The following ZNF398 variants were observed in gnomAD, a reference collection of about 807,000 sequenced individuals.
ZNF398 encodes zinc finger protein 398.
ZNF398 carries 18 observed loss-of-function variants against 41.9 expected under a neutral mutation model. The observed-to-expected ratio is 0.43, with a 90% CI of 0.30 to 0.64. The LOEUF (loss-of-function observed/expected upper bound fraction) is 0.64, where lower values mean the gene tolerates loss of function less well. ZNF398 is among the 30% of genes least tolerant of loss of function. ZNF398 has a pLI of 0.14. For missense variants in ZNF398, 669 were observed against 822.8 expected (o/e 0.81, Z 2.29); for synonymous variants, 260 against 308.8 (o/e 0.84, Z 1.66).
At chr7:149,154,845 C>T (rs778571652) in intron 2 of ZNF398, among the ~76,000 whole-genome samples, 5 of 151,646 alleles carry the variant, frequency 3.3e-5, no homozygotes, top group South Asian at 2.1e-4. Context: ...AAAAATTAGC[C>T]GGGTGTGGTA....
At position 149,180,438 on chromosome 7, in the gene ZNF398, G is replaced by A. The variant is rs1378598728; in HGVS notation, c.*637G>A. The A allele has an allele frequency of 2.0e-5, 3 of 152,124 alleles. No homozygotes were observed. The highest frequency in any genetic ancestry group is 1.3e-4 in the Admixed American group (2 of 15,266). 9.4% of individuals were successfully genotyped at this position (152,124 alleles called of 1,614,324 possible). On this transcript the variant is annotated 3_prime_UTR_variant, in exon 6 of 6. Transcript: ENST00000475153. ...ACATAAATTTTGTTTAATATTGGTTGAACAAGAAATCTGACTTTAAAAGAT... is the reference window on the plus strand; with the variant it reads ...ACATAAATTTTGTTTAATATTGGTTAAACAAGAAATCTGACTTTAAAAGAT...
In ZNF398 at chr7:149,180,009, C is replaced by G; in HGVS notation, c.*208C>G. 4.2e-6 allele frequency: 2 copies of G among 475,498 alleles called. No homozygotes were observed. Among genetic ancestry groups the G allele is most frequent in the Non-Finnish European group, 7.3e-6 (2 of 273,778 alleles). 29.5% of individuals were successfully genotyped at this position (475,498 alleles called of 1,614,324 possible). A position where few individuals can be genotyped will look rare whatever the true frequency, so the allele number is the denominator to read the frequency against. On this transcript the variant is annotated 3_prime_UTR_variant, in exon 6 of 6. Transcript: ENST00000475153. ...TACCACATTTTGAAACCCAGAAAGA[C>G]CTGGAAAGGAGCCCAGCATGTCCAT... is the stretch of plus-strand genomic sequence containing the variant.
rs2129521972 is a variant in ZNF398 at position 149,178,938 on chromosome 7, A to G, written c.1066A>G (p.Met356Val). 1 of 1,614,096 alleles carries G rather than the reference A, an allele frequency of 6.2e-7. No homozygotes were observed. The highest frequency in any genetic ancestry group is 8.5e-7 in the Non-Finnish European group (1 of 1,180,022). The change falls in exon 6 of 6, where the codon ATG becomes GTG. Residue 356 changes from methionine (M) to valine (V), a missense_variant. Around this residue, in one of 3 missense-constraint regions of ZNF398, gnomAD observed 290 missense variants for 292.9 expected, o/e 0.99. Transcript: ENST00000475153. ...CTGTGGCAAGAATCTCAGCCAAGAC[A>G]TGTTGCTGACCCACCAATGTAGCCA... ...HHCGKNLSQD[M>V]LLTHQCSHAT...
At chr7:149,164,985 TTGGGAGGC>T (rs1795196189) in intron 2 of ZNF398, among the ~76,000 whole-genome samples, 3 of 151,718 alleles carry the variant, frequency 2.0e-5, no homozygotes, top group Non-Finnish European at 4.4e-5. Flanking sequence ...TCCTGGCTAC[TTGGGAGGC>T]TGAGGCAGGA....
chr7:149,138,646 A>T (rs952921653), intron 2 of ZNF398, among the ~76,000 whole-genome samples: 1 of 150,974 alleles, frequency 6.6e-6, no homozygotes, highest in African/African-American at 2.4e-5. Context: ...AAATAAATAA[A>T]TATTGTGTGT....
chr7:149,140,407 CAG>C (rs1217243960), intron 2 of ZNF398, among the ~76,000 whole-genome samples: 2 of 151,390 alleles, frequency 1.3e-5, no homozygotes, highest in Non-Finnish European at 2.9e-5. Context: ...TTTTTTGAGA[CAG>C]AGTCTCGCTC....
At chr7:149,165,449 T>G (rs1448586765) in intron 2 of ZNF398, among the ~76,000 whole-genome samples, 1 of 152,112 alleles carries the variant, frequency 6.6e-6, no homozygotes. Context: ...TGAAAACAAT[T>G]GAAGAGATGG....
At position 149,172,230 on chromosome 7, in the gene ZNF398, A is replaced by G. The variant is rs1290685264; in HGVS notation, c.662-4238A>G. On this transcript the variant is annotated intron_variant, in intron 4 of 5. Transcript: ENST00000475153. ...TTACCTGCCGTCAACTGTGATCTGAAAATATTAAATGGAAAATTCCAGAAA... is the reference window on the plus strand; with the variant it reads ...TTACCTGCCGTCAACTGTGATCTGAGAATATTAAATGGAAAATTCCAGAAA... Among the ~76,000 whole-genome samples, 3 of 152,158 alleles carry G rather than the reference A, an allele frequency of 2.0e-5. No individual in the cohort carries two copies. The East Asian group carries it at 5.8e-4, about 29-fold the overall frequency.
rs945046042 is a variant in ZNF398 at position 149,181,197 on chromosome 7, A to T, written c.*1396A>T. ...AGGAATTATTCAAAAAAAGTCTGTG[A>T]TACATTCCTTTTCCTGCCAAAGTTC... On this transcript the variant is annotated 3_prime_UTR_variant, in exon 6 of 6. Coordinates refer to ENST00000475153, the MANE Select transcript of ZNF398 (RefSeq NM_170686.3). 1 of 152,634 alleles carries T rather than the reference A, an allele frequency of 6.6e-6. No individual in the cohort carries two copies. The allele number at this position is 152,634 out of a possible 1,614,324, so 9.5% of individuals were successfully genotyped here.
rs1826996528 is a variant in ZNF398, at chr7:149,147,887, C to T, written c.24+121C>T. ...TTCTCGGGTCCCGCCGGCCACGTCG[C>T]CTGTCGCCCGTGCTTGGCGGCTGCA... On this transcript the variant is annotated intron_variant, in intron 1 of 5. Transcript: ENST00000475153. This position sits in a 1 kb window ranked among gnomAD's most constrained non-coding sequence, Gnocchi z 5.6. The T allele has an allele frequency of 1.3e-5, 15 of 1,181,850 alleles. No individual in the cohort carries two copies. Among genetic ancestry groups the T allele is most frequent in the Non-Finnish European group, 1.4e-5 (13 of 926,866 alleles). The allele number at this position is 1,181,850 out of a possible 1,614,324, so 73.2% of individuals were successfully genotyped here.
intron 2 of ZNF398, among the ~76,000 whole-genome samples, chr7:149,157,448 T>G (rs1585522594): frequency 6.7e-6 from 1 of 148,988 alleles, no homozygotes; most frequent in Admixed American, 6.7e-5. Context: ...GGCAGGAGAA[T>G]GGCATGAACC....
intron 2 of ZNF398, among the ~76,000 whole-genome samples, chr7:149,161,824 G>GAAAAAAAAAAAAAAAAAAAAAAAAAA (rs1795110287): frequency 7.8e-6 from 1 of 127,588 alleles, no homozygotes; most frequent in African/African-American, 3.8e-5. Context: ...AAAAAAAAAA[G>GAAAAAAAAAAAAAAAAAAAAAAAAAA]GGGAATTGTT....
chr7:149,140,841 A>G (rs1385521188), intron 2 of ZNF398, among the ~76,000 whole-genome samples: 1 of 152,070 alleles, frequency 6.6e-6, no homozygotes, highest in Non-Finnish European at 1.5e-5. Context: ...AGAGTTGGAG[A>G]CCAGCTTGGG....
intron 2 of ZNF398, among the ~76,000 whole-genome samples, chr7:149,164,587 T>C (rs1193011278): frequency 2.0e-5 from 3 of 151,958 alleles, no homozygotes. Flanking sequence ...TGTCAGACAA[T>C]GAAATTCTGA....
chr7:149,154,327 G>A lies in ZNF398; in HGVS notation c.407G>A (p.Gly136Glu), dbSNP rs1325255159. The change falls in exon 2 of 6, where the codon GGA becomes GAA. Residue 136 changes from glycine to glutamate, a missense_variant. By Grantham distance (98) the Gly-to-Glu change is moderately conservative. Transcript: ENST00000475153. ...WILRLPPGIK[G>E]DIPKVPVAFD... ...CTGCGGCTCCCTCCAGGTATTAAGG[G>A]AGATATCCCAAAGGTAATACCTTCA... The A allele has an allele frequency of 6.2e-7, 1 of 1,612,044 alleles. No individual in the cohort carries two copies. The highest frequency in any genetic ancestry group is 8.5e-7 in the Non-Finnish European group (1 of 1,178,954).
intron 5 of ZNF398, among the ~76,000 whole-genome samples, chr7:149,177,099 A>G (rs775411590): frequency 1.1e-4 from 16 of 151,820 alleles, no homozygotes; most frequent in Non-Finnish European, 2.4e-4. Flanking sequence ...CCAGTCATTT[A>G]TACAGCTTAA....
At chr7:149,142,811 G>T (rs1826855692), upstream of ZNF398, among the ~76,000 whole-genome samples, 1 of 152,164 alleles carries the variant, frequency 6.6e-6, no homozygotes. Context: ...AGGTCTCAGT[G>T]AATCTGACTT....
At chr7:149,158,816 A>G (rs1179278054) in intron 2 of ZNF398, among the ~76,000 whole-genome samples, 1 of 144,404 alleles carries the variant, frequency 6.9e-6, no homozygotes, top group Non-Finnish European at 1.5e-5. Flanking sequence ...CCTGGGTGAC[A>G]GAGCGAAACA....
intron 2 of ZNF398, among the ~76,000 whole-genome samples, chr7:149,133,678 T>TATATATATATATATATATATATATAC (rs1483673161): frequency 6.0e-5 from 4 of 67,018 alleles, no homozygotes; most frequent in Admixed American, 1.9e-4. Flanking sequence ...TATATATATA[T>TATATATATATATATATATATATATAC]ACATATATAT....
Sources: gnomAD v4.1 joint callset for allele counts (sites outside exome capture counted in the v4.1 genomes callset) on GRCh38, gnomAD v4.1.1 for gene constraint, gnomAD v4.1.1 regional missense constraint, Gnocchi (gnomAD v3.1) non-coding constraint, MANE v1.5 for transcripts, NCBI Gene and HGNC (gene_info 2026-07-23, HGNC 2026-07-21) for gene names.